Variants in LRRC4C observed in about 807,000 individuals in gnomAD.
LRRC4C encodes the protein leucine-rich repeat-containing protein 4C.
Under a neutral mutation model 33.6 loss-of-function variants are expected in LRRC4C, and 5 were observed. The ratio of observed to expected loss-of-function variants is 0.15; its 90% CI spans 0.08 to 0.31. The LOEUF is 0.31. LRRC4C is among the 10% of genes least tolerant of loss of function. The probability of loss-of-function intolerance (pLI) is 1.00; values close to 1 mark genes in which losing one functional copy is unlikely to be tolerated. For missense variants in LRRC4C, 560 were observed against 796.7 expected, an observed-to-expected ratio of 0.70 and a Z score of 3.58; for synonymous variants, 329 against 302.0, an observed-to-expected ratio of 1.09 and a Z score of -0.93.
At position 40,635,628 on chromosome 11, in the gene LRRC4C, ATTTTTTTTTTT is replaced by A. The variant is rs71060975; in HGVS notation, c.-270+12503_-270+12513del. Among the ~76,000 whole-genome samples the A allele has an allele frequency of 6.6e-3, 609 of 92,240 alleles. 7 individuals are homozygous for A. The highest frequency in any genetic ancestry group is 0.024 in the African/African-American group (587 of 24,812). 60.5% of individuals were successfully genotyped at this position (92,240 alleles called of 152,430 possible). A position where few individuals can be genotyped will look rare whatever the true frequency, so the allele number is the denominator to read the frequency against. The stretch of plus-strand genomic sequence containing the variant: ...ACTCCAGAAATTGAAAAAGAACCAA[ATTTTTTTTTTT>A]TTTTTTTTTTTTTTTGAGACGGAGT... On this transcript the variant is annotated intron_variant, in intron 3 of 6. Coordinates refer to ENST00000528697, the MANE Select transcript of LRRC4C (RefSeq NM_001258419.2).
At chr11:41,340,557 T>G (rs1371104749) in intron 1 of LRRC4C, among the ~76,000 whole-genome samples, 1 of 152,062 alleles carries the variant, frequency 6.6e-6, no homozygotes, top group Non-Finnish European at 1.5e-5. Flanking sequence ...GGAGACTAAT[T>G]TAGATGAGGA....
chr11:40,791,631 G>T (rs1222185209), intron 2 of LRRC4C, among the ~76,000 whole-genome samples: 1 of 152,134 alleles, frequency 6.6e-6, no homozygotes, highest in East Asian at 1.9e-4. Context: ...CAGGTAATTT[G>T]CCTTTTGTAT....
At chr11:41,231,532 C>T (rs113095273) in intron 1 of LRRC4C, among the ~76,000 whole-genome samples, 3,626 of 146,406 alleles carry the variant, frequency 0.025, 136 homozygotes, top group African/African-American at 0.086. Context: ...AACCAAACAC[C>T]GCATGTTCTC....
Position 40,721,734 on chromosome 11 carries a change from A to G in LRRC4C, c.-406-73456T>C, listed in dbSNP as rs12284192. 4.3e-3 allele frequency among the ~76,000 whole-genome samples: 655 copies of G among 152,192 alleles called. 6 individuals are homozygous for G. The highest frequency in any genetic ancestry group is 0.015 in the African/African-American group (616 of 41,512). On this transcript the variant is annotated intron_variant, in intron 2 of 6. Transcript: ENST00000528697. ...GGGAAGCCGAGGTGGGCGGATCACG[A>G]GGTCAGGAGATGGAGACCATCCTGG...
intron 2 of LRRC4C, among the ~76,000 whole-genome samples, chr11:40,827,280 A>G (rs1438767065): frequency 1.3e-5 from 2 of 151,930 alleles, no homozygotes; most frequent in Non-Finnish European, 2.9e-5. Context: ...ACAGTGGGCC[A>G]TACTAATTTG....
At chr11:40,625,808 C>T (rs1304831131) in intron 3 of LRRC4C, among the ~76,000 whole-genome samples, 2 of 152,090 alleles carry the variant, frequency 1.3e-5, no homozygotes, top group Non-Finnish European at 2.9e-5. Context: ...GGATTGCTGT[C>T]ATCACTTCCA....
intron 1 of LRRC4C, among the ~76,000 whole-genome samples, chr11:41,217,837 A>T (rs1289638266): frequency 6.6e-6 from 1 of 152,138 alleles, no homozygotes; most frequent in Admixed American, 6.5e-5. Context: ...ACCCTGCATT[A>T]AAAAAATTTA....
At chr11:40,913,395 A>G (rs111971135) in intron 2 of LRRC4C, among the ~76,000 whole-genome samples, 5 of 152,314 alleles carry the variant, frequency 3.3e-5, no homozygotes, top group African/African-American at 9.6e-5. Context: ...TAATAAACTC[A>G]CTCAAAACCA....
intron 2 of LRRC4C, among the ~76,000 whole-genome samples, chr11:40,899,106 A>AG (rs1486468342): frequency 1.3e-5 from 2 of 151,814 alleles, no homozygotes; most frequent in Non-Finnish European, 2.9e-5. Context: ...TTGAAAAAAA[A>AG]AAAGCATTTT....
At chr11:41,091,896 T>G (rs1590532699) in intron 1 of LRRC4C, among the ~76,000 whole-genome samples, 1 of 152,082 alleles carries the variant, frequency 6.6e-6, no homozygotes, top group Non-Finnish European at 1.5e-5. Flanking sequence ...TTCTCACAAT[T>G]GGAAAATAGA....
At chr11:41,188,182 A>G (rs1945780553) in intron 1 of LRRC4C, among the ~76,000 whole-genome samples, 1 of 151,824 alleles carries the variant, frequency 6.6e-6, no homozygotes, top group Non-Finnish European at 1.5e-5. Flanking sequence ...CAGACTTCTT[A>G]CTTCTTTACC....
At chr11:40,736,384 G>A (rs1010272410) in intron 2 of LRRC4C, among the ~76,000 whole-genome samples, 6 of 152,168 alleles carry the variant, frequency 3.9e-5, no homozygotes, top group Admixed American at 2.6e-4. Flanking sequence ...TGGTGTGTAC[G>A]AGCCACATTT....
intron 4 of LRRC4C, among the ~76,000 whole-genome samples, chr11:40,255,091 G>T (rs747590066): frequency 6.6e-6 from 1 of 152,066 alleles, no homozygotes; most frequent in Non-Finnish European, 1.5e-5. Flanking sequence ...GTGAGTCACC[G>T]CACCCGGCCC....
At chr11:41,212,203 T>C (rs142193596) in intron 1 of LRRC4C, among the ~76,000 whole-genome samples, 53 of 152,346 alleles carry the variant, frequency 3.5e-4, no homozygotes, top group African/African-American at 1.1e-3. Flanking sequence ...ATCAATATTA[T>C]TTTTATCTTG....
At chr11:40,245,972 CT>C (rs556019520) in intron 4 of LRRC4C, among the ~76,000 whole-genome samples, 4,460 of 131,992 alleles carry the variant, frequency 0.034, 93 homozygotes, top group South Asian at 0.11. Flanking sequence ...AAAGTCCTAA[CT>C]TTTTTTTTTT....
chr11:40,557,892 T>C (rs1957393129), intron 3 of LRRC4C, among the ~76,000 whole-genome samples: 1 of 152,108 alleles, frequency 6.6e-6, no homozygotes, highest in African/African-American at 2.4e-5. Context: ...CTAAGTGGCA[T>C]TATTGAGGAG....
chr11:40,581,862 C>T (rs1304583294), intron 3 of LRRC4C, among the ~76,000 whole-genome samples: 1 of 152,120 alleles, frequency 6.6e-6, no homozygotes, highest in African/African-American at 2.4e-5. Context: ...GAGATCGTGC[C>T]ACTGCACTCC....
At chr11:41,246,970 C>A (rs757256811) in intron 1 of LRRC4C, among the ~76,000 whole-genome samples, 1 of 152,214 alleles carries the variant, frequency 6.6e-6, no homozygotes, top group Non-Finnish European at 1.5e-5. Flanking sequence ...GAAAATGCCA[C>A]TTACTGCAAA....
rs189994272 is a variant in LRRC4C at position 40,801,160 on chromosome 11, C to T, written c.-407+132475G>A. 7.9e-3 allele frequency among the ~76,000 whole-genome samples: 1,198 copies of T among 152,230 alleles called. 17 individuals are homozygous for T. Among genetic ancestry groups the T allele is most frequent in the African/African-American group, 0.027 (1,125 of 41,542 alleles). On this transcript the variant is annotated intron_variant, in intron 2 of 6. Transcript: ENST00000528697. ...AATGTAGATATACCTACAGTAAACT[C>T]ACATATTCTTCCCTCTTATTAAAAT...
Sources: gnomAD v4.1 joint callset for allele counts (sites outside exome capture counted in the v4.1 genomes callset) on GRCh38, gnomAD v4.1.1 for gene constraint, MANE v1.5 for transcripts, NCBI Gene and HGNC (gene_info 2026-07-23, HGNC 2026-07-21) for gene names.